Variants in EXT1 observed in about 807,000 individuals in gnomAD.
EXT1 encodes the protein exostosin-1.
In EXT1, 20 loss-of-function variants were observed where a neutral mutation model predicts 82.5. The observed-to-expected ratio is 0.24, with a 90% CI of 0.17 to 0.35. The LOEUF (loss-of-function observed/expected upper bound fraction) is 0.35, where lower values mean the gene tolerates loss of function less well. Ranked by LOEUF, EXT1 falls within the 10% of genes least tolerant of loss-of-function variation. The pLI is 1.00. For missense variants in EXT1, 757 were observed against 936.5 expected (o/e 0.81, Z 2.50); for synonymous variants, 348 against 350.8 (o/e 0.99, Z 0.09).
intron 1 of EXT1, among the ~76,000 whole-genome samples, chr8:117,974,770 A>G (rs1435459717): frequency 6.6e-6 from 1 of 152,094 alleles, no homozygotes; most frequent in East Asian, 1.9e-4. Context: ...CCCAGCCCTC[A>G]CTACCTGGAT....
At chr8:117,992,903 C>T (rs1815464856) in intron 1 of EXT1, among the ~76,000 whole-genome samples, 1 of 152,204 alleles carries the variant, frequency 6.6e-6, no homozygotes, top group South Asian at 2.1e-4. Context: ...CACCACTTTT[C>T]ACTACTTTAC....
intron 1 of EXT1, among the ~76,000 whole-genome samples, chr8:117,855,800 T>C (rs977227214): frequency 3.9e-5 from 6 of 151,990 alleles, no homozygotes; most frequent in Non-Finnish European, 7.4e-5. Context: ...TCCTGAGTAG[T>C]TGGGATTACA....
intron 1 of EXT1, among the ~76,000 whole-genome samples, chr8:117,932,189 T>C (rs1237575294): frequency 6.6e-6 from 1 of 152,214 alleles, no homozygotes; most frequent in African/African-American, 2.4e-5. Context: ...AACTTCTAAA[T>C]GTTAGAGTGT....
chr8:117,816,742 A>G (rs1811827725), intron 7 of EXT1, among the ~76,000 whole-genome samples: 1 of 152,256 alleles, frequency 6.6e-6, no homozygotes, highest in South Asian at 2.1e-4. Context: ...TCAGTGAGTC[A>G]GAGCATGAAA....
intron 1 of EXT1, among the ~76,000 whole-genome samples, chr8:118,087,332 TACTAAA>T (rs1475921048): frequency 1.3e-5 from 2 of 152,196 alleles, no homozygotes; most frequent in Non-Finnish European, 2.9e-5. Context: ...GATATTCACA[TACTAAA>T]ACTAAAACTA....
chr8:117,864,902 C>T, intron 1 of EXT1, among the ~76,000 whole-genome samples: 1 of 152,100 alleles, frequency 6.6e-6, no homozygotes, highest in East Asian at 1.9e-4. Context: ...ATCCCTACTT[C>T]CTTCCTCTTC....
intron 1 of EXT1, among the ~76,000 whole-genome samples, chr8:117,983,496 T>A (rs1362077605): frequency 6.6e-6 from 1 of 151,872 alleles, no homozygotes. Flanking sequence ...ATAATATTTT[T>A]AAAAAAAGAG....
intron 1 of EXT1, among the ~76,000 whole-genome samples, chr8:118,109,163 G>A (rs1443485977): frequency 6.6e-6 from 1 of 152,134 alleles, no homozygotes; most frequent in African/African-American, 2.4e-5. Context: ...AAGGAAGAGT[G>A]AAAAGGTCTA....
chr8:117,912,343 G>A (rs1813664388), intron 1 of EXT1, among the ~76,000 whole-genome samples: 1 of 152,154 alleles, frequency 6.6e-6, no homozygotes, highest in South Asian at 2.1e-4. Context: ...AGGACCTAAG[G>A]GGCAGGTAGG....
chr8:117,934,357 AG>A (rs35265084), intron 1 of EXT1, among the ~76,000 whole-genome samples: 1 of 152,192 alleles, frequency 6.6e-6, no homozygotes, highest in African/African-American at 2.4e-5. Flanking sequence ...TTATAAGAGA[AG>A]GGGGAAGCAG....
chr8:118,100,580 T>C (rs574269235), intron 1 of EXT1, among the ~76,000 whole-genome samples: 4 of 152,176 alleles, frequency 2.6e-5, no homozygotes, highest in Non-Finnish European at 5.9e-5. Flanking sequence ...AAACCCTGTC[T>C]ATTCAAAATA....
intron 1 of EXT1, among the ~76,000 whole-genome samples, chr8:118,040,463 A>G (rs944034963): frequency 6.6e-6 from 1 of 152,196 alleles, no homozygotes; most frequent in East Asian, 1.9e-4. Context: ...TAAATTGGAT[A>G]GCAAACCTAC....
At chr8:118,057,992 A>G (rs1816822494) in intron 1 of EXT1, among the ~76,000 whole-genome samples, 1 of 150,880 alleles carries the variant, frequency 6.6e-6, no homozygotes, top group African/African-American at 2.4e-5. Context: ...AAAAAAAAAA[A>G]GGAAAAGAAA....
chr8:118,006,631 T>C (rs1773018982), intron 1 of EXT1, among the ~76,000 whole-genome samples: 1 of 152,202 alleles, frequency 6.6e-6, no homozygotes, highest in Non-Finnish European at 1.5e-5. Flanking sequence ...TTTCACATTA[T>C]CCTAACCCAC....
intron 1 of EXT1, among the ~76,000 whole-genome samples, chr8:117,990,569 T>C (rs1397637571): frequency 6.6e-6 from 1 of 152,216 alleles, no homozygotes; most frequent in African/African-American, 2.4e-5. Context: ...GCCATAATGC[T>C]AAGGCCGGCA....
intron 1 of EXT1, among the ~76,000 whole-genome samples, chr8:117,861,480 G>A (rs1376487097): frequency 7.6e-6 from 1 of 131,408 alleles, no homozygotes; most frequent in Admixed American, 8.0e-5. Context: ...GCTCCCTGAA[G>A]TTTTTATCTT....
intron 1 of EXT1, among the ~76,000 whole-genome samples, chr8:117,841,491 G>A (rs1226367036): frequency 1.3e-5 from 2 of 152,132 alleles, no homozygotes; most frequent in Admixed American, 6.5e-5. Flanking sequence ...CTTATGTTTA[G>A]AAATGTGAAT....
At chr8:117,828,055 G>T (rs1178655575) in intron 4 of EXT1, among the ~76,000 whole-genome samples, 1 of 151,932 alleles carries the variant, frequency 6.6e-6, no homozygotes, top group East Asian at 1.9e-4. Context: ...GTAATAACAT[G>T]AGAAAATATT....
intron 1 of EXT1, among the ~76,000 whole-genome samples, chr8:117,949,991 G>A (rs1049151575): frequency 2.0e-5 from 3 of 152,192 alleles, no homozygotes; most frequent in African/African-American, 4.8e-5. Flanking sequence ...TTGGGAGGCT[G>A]AGGCGGGCAG....
Sources: gnomAD v4.1 joint callset for allele counts (sites outside exome capture counted in the v4.1 genomes callset) on GRCh38, gnomAD v4.1.1 for gene constraint, MANE v1.5 for transcripts, NCBI Gene and HGNC (gene_info 2026-07-23, HGNC 2026-07-21) for gene names.